CDHR3: variants seen among roughly 807,000 people sequenced by gnomAD.
CDHR3 encodes the protein cadherin related family member 3.
Under a neutral mutation model 86.6 loss-of-function variants are expected in CDHR3, and 79 were observed. The ratio of observed to expected loss-of-function variants is 0.91; its 90% CI spans 0.76 to 1.10. The LOEUF (loss-of-function observed/expected upper bound fraction) is 1.10. Among genes scored for constraint, CDHR3 ranks in the 50% least tolerant of loss-of-function variants. CDHR3 has a pLI of 0.00. For synonymous variants in CDHR3, 421 were observed against 402.4 expected, an observed-to-expected ratio of 1.05 and a Z score of -0.55; for missense variants, 1,081 against 1,077.6, an observed-to-expected ratio of 1.00 and a Z score of -0.04.
chr7:106,030,783 T>C lies in CDHR3; in HGVS notation c.2305-9T>C, dbSNP rs1231679741. On this transcript the variant is annotated splice_polypyrimidine_tract_variant and intron_variant, in intron 17 of 18. Transcript: ENST00000317716. The surrounding 1 kb of genome is among the most constrained non-coding windows in gnomAD (Gnocchi z 4.8). The stretch of plus-strand genomic sequence containing the variant: ...ATTGTGTTTGATGCTGTCTCTGTCT[T>C]CTCCTTAGGAAACTATCCAGATGAA... The C allele has an allele frequency of 1.9e-6, 3 of 1,609,254 alleles. No individual in the cohort carries two copies. Among genetic ancestry groups the C allele is most frequent in the Non-Finnish European group, 2.5e-6 (3 of 1,177,828 alleles).
At chr7:105,995,707 G>A (rs1832082207) in intron 5 of CDHR3, among the ~76,000 whole-genome samples, 1 of 152,120 alleles carries the variant, frequency 6.6e-6, no homozygotes, top group African/African-American at 2.4e-5. Flanking sequence ...ATGGAAGATG[G>A]CATTTTTTTT....
intron 6 of CDHR3, 122 bp from the exon 7 acceptor site, chr7:106,001,340 G>A (rs1215417480): frequency 2.0e-6 from 2 of 1,003,486 alleles, no homozygotes; most frequent in African/African-American, 3.2e-5. Context: ...CTCCCTCTGA[G>A]CATGTTGATG....
At chr7:105,984,536 T>C (rs1830248332) in intron 4 of CDHR3, among the ~76,000 whole-genome samples, 1 of 152,182 alleles carries the variant, frequency 6.6e-6, no homozygotes, top group Non-Finnish European at 1.5e-5. Flanking sequence ...TTTCAATTTC[T>C]TCATCTGTAA....
Position 105,993,277 on chromosome 7 carries a change from C to T in CDHR3, c.514-1474C>T, listed in dbSNP as rs138388027. Among the ~76,000 whole-genome samples, 737 of 152,310 alleles carry T rather than the reference C, an allele frequency of 4.8e-3. 7 individuals carry two copies. The highest frequency in any genetic ancestry group is 0.017 in the African/African-American group (695 of 41,568). ...CTGCGATCCTTCATATTTTACGGCA[C>T]GCATTCTCATTTAATCCTCAATAAC... On this transcript the variant is annotated intron_variant, in intron 4 of 18. Transcript: ENST00000317716.
intron 4 of CDHR3, among the ~76,000 whole-genome samples, chr7:105,991,931 G>T (rs930697787): frequency 2.6e-5 from 4 of 152,154 alleles, no homozygotes; most frequent in African/African-American, 7.2e-5. Flanking sequence ...CTCTTTGCAG[G>T]CACTCACATG....
chr7:106,023,699 T>C (rs1383085137), intron 14 of CDHR3, among the ~76,000 whole-genome samples: 1 of 152,214 alleles, frequency 6.6e-6, no homozygotes, highest in Non-Finnish European at 1.5e-5. Context: ...AGCTGGTTCA[T>C]GCTTCTCTCT....
At chr7:105,973,897 G>A (rs540412262) in intron 1 of CDHR3, among the ~76,000 whole-genome samples, 2 of 152,252 alleles carry the variant, frequency 1.3e-5, no homozygotes, top group African/African-American at 4.8e-5. Flanking sequence ...AACCCAGGAG[G>A]CAGAGGTTGC....
chr7:106,000,356 G>A (rs1488589762), intron 6 of CDHR3, among the ~76,000 whole-genome samples: 1 of 152,196 alleles, frequency 6.6e-6, no homozygotes, highest in African/African-American at 2.4e-5. Flanking sequence ...GCCTTTCTCT[G>A]ACTGCCCCTG....
chr7:105,980,583 A>G (rs41270), intron 2 of CDHR3, among the ~76,000 whole-genome samples: 59,795 of 89,662 alleles, frequency 0.67, 18,499 homozygotes, highest in Middle Eastern at 0.76. Flanking sequence ...AAGTAGTGGA[A>G]GGTTTTTTTT....
intron 11 of CDHR3, among the ~76,000 whole-genome samples, chr7:106,016,627 C>G (rs1401959361): frequency 1.3e-5 from 2 of 152,144 alleles, no homozygotes; most frequent in African/African-American, 4.8e-5. Flanking sequence ...AATAGACTCC[C>G]CACAGCCGTT....
intron 18 of CDHR3, among the ~76,000 whole-genome samples, chr7:106,031,854 C>T (rs1026101359): frequency 4.0e-5 from 6 of 151,830 alleles, no homozygotes; most frequent in Non-Finnish European, 5.9e-5. Context: ...TCTGCTGGCT[C>T]GGACACAATA....
chr7:105,967,846 TG>T (rs1309226583), intron 1 of CDHR3, among the ~76,000 whole-genome samples: 2 of 152,374 alleles, frequency 1.3e-5, no homozygotes, highest in African/African-American at 4.8e-5. Context: ...TTGTAGATTC[TG>T]GATATTAGCC....
chr7:105,976,429 T>C lies in CDHR3; in HGVS notation c.249+1383T>C, dbSNP rs1585524079. Among the ~76,000 whole-genome samples, 3 of 152,320 alleles carry C rather than the reference T, an allele frequency of 2.0e-5. No individual in the cohort carries two copies. The East Asian group carries it at 5.8e-4, about 29-fold the overall frequency. ...AAGCCAGGCAGTCTGGCTCCAGTGC[T>C]CTCATTTTAAAAAACAGCTTTATTG... On this transcript the variant is annotated intron_variant, in intron 2 of 18. Transcript: ENST00000317716.
At chr7:105,968,819 T>A (rs1458439097) in intron 1 of CDHR3, among the ~76,000 whole-genome samples, 1 of 152,122 alleles carries the variant, frequency 6.6e-6, no homozygotes, top group Non-Finnish European at 1.5e-5. Context: ...CTAGGTGCGG[T>A]GGCTCACGCC....
intron 17 of CDHR3, 80 bp downstream of exon 17, chr7:106,028,662 A>G: frequency 6.7e-7 from 1 of 1,498,644 alleles, no homozygotes; most frequent in South Asian, 1.2e-5. Context: ...CAGGCCTGCC[A>G]CAGCCTTGTG....
At chr7:105,994,495 A>T (rs1384397733) in intron 4 of CDHR3, among the ~76,000 whole-genome samples, 1 of 152,154 alleles carries the variant, frequency 6.6e-6, no homozygotes, top group African/African-American at 2.4e-5. Flanking sequence ...GGGGCCTTTT[A>T]TATGCTTTCT....
chr7:105,992,465 G>C (rs1489675688), intron 4 of CDHR3, among the ~76,000 whole-genome samples: 1 of 152,098 alleles, frequency 6.6e-6, no homozygotes, highest in African/African-American at 2.4e-5. Context: ...AGTGTTAATG[G>C]GGGGCTTGGG....
chr7:105,976,007 G>C (rs1434169625), intron 2 of CDHR3, among the ~76,000 whole-genome samples: 2 of 152,190 alleles, frequency 1.3e-5, no homozygotes, highest in Non-Finnish European at 2.9e-5. Flanking sequence ...CAGATTTCCG[G>C]TATTCTCATC....
intron 10 of CDHR3, 45 bp from the exon 11 acceptor site, chr7:106,015,882 T>C: frequency 7.8e-7 from 1 of 1,285,848 alleles, no homozygotes; most frequent in Non-Finnish European, 1.1e-6. Flanking sequence ...AACAAATGGA[T>C]GAGTATGGAT....
Sources: allele counts gnomAD v4.1 joint callset (sites outside exome capture counted in the v4.1 genomes callset), GRCh38; gene constraint gnomAD v4.1.1; non-coding constraint Gnocchi (gnomAD v3.1); transcripts MANE v1.5; gene names NCBI Gene and HGNC (gene_info 2026-07-23, HGNC 2026-07-21).